Variants in RAC1 observed in about 807,000 individuals in gnomAD.
The protein encoded by RAC1 is ras-related C3 botulinum toxin substrate 1.
In RAC1, 2 loss-of-function variants were observed where a neutral mutation model predicts 25.2. That is an observed-to-expected ratio of 0.08 (90% CI 0.03 to 0.25). The LOEUF is 0.25. Ranked by LOEUF, RAC1 falls within the 10% of genes least tolerant of loss-of-function variation. The pLI is 1.00. For synonymous variants in RAC1, 88 were observed against 94.0 expected, an observed-to-expected ratio of 0.94 and a Z score of 0.37; for missense variants, 50 against 235.7, an observed-to-expected ratio of 0.21 and a Z score of 5.16.
chr7:6,393,716 G>T (rs1451135600), intron 3 of RAC1, among the ~76,000 whole-genome samples: 2 of 152,162 alleles, frequency 1.3e-5, no homozygotes, highest in African/African-American at 4.8e-5. Flanking sequence ...GTGGGACATG[G>T]TTCTTGCCCT....
rs58955862 is a variant in RAC1, at chr7:6,400,327, GTTTTT to G, written c.288+146_288+150del. Reference sequence around the variant, plus strand: ...ATTTGCTACTTAAGTACATGATTGGGTTTTTTTTTTTCTTTTGAGACGGAGGTCTC... The same window carrying G: ...ATTTGCTACTTAAGTACATGATTGGGTTTTTTCTTTTGAGACGGAGGTCTC... On this transcript the variant is annotated intron_variant, in intron 4 of 5. Coordinates refer to ENST00000348035, the MANE Select transcript of RAC1 (RefSeq NM_006908.5). 20 of 607,588 alleles carry G rather than the reference GTTTTT, an allele frequency of 3.3e-5. No individual in the cohort carries two copies. The African/African-American group carries it at 3.9e-4, about 12-fold the overall frequency. 37.6% of individuals were successfully genotyped at this position (607,588 alleles called of 1,614,324 possible).
chr7:6,383,841 T>C (rs994957429), intron 1 of RAC1, among the ~76,000 whole-genome samples: 1 of 139,722 alleles, frequency 7.2e-6, no homozygotes, highest in African/African-American at 2.8e-5. Context: ...TTGCTCTTGT[T>C]GCCCAGGCTG....
At chr7:6,376,753 C>G (rs2115180520) in intron 1 of RAC1, among the ~76,000 whole-genome samples, 1 of 146,736 alleles carries the variant, frequency 6.8e-6, no homozygotes, top group South Asian at 2.2e-4. Flanking sequence ...ACTCCTGACC[C>G]TCAAGTGATC....
At chr7:6,383,933 G>C (rs567443080) in intron 1 of RAC1, among the ~76,000 whole-genome samples, 1 of 151,306 alleles carries the variant, frequency 6.6e-6, no homozygotes, top group Admixed American at 6.6e-5. Context: ...CTCCCGAGTA[G>C]CTGGGATTAC....
intron 1 of RAC1, among the ~76,000 whole-genome samples, chr7:6,375,596 G>T (rs554556856): frequency 6.6e-6 from 1 of 152,028 alleles, no homozygotes; most frequent in African/African-American, 2.4e-5. Flanking sequence ...CGCCCTTTCC[G>T]TGGAGAAAGT....
intron 1 of RAC1, among the ~76,000 whole-genome samples, chr7:6,379,600 G>T (rs1054242467): frequency 6.6e-6 from 1 of 152,132 alleles, no homozygotes; most frequent in African/African-American, 2.4e-5. Flanking sequence ...AATAGAGACA[G>T]GGTTTCACCA....
intron 4 of RAC1, among the ~76,000 whole-genome samples, chr7:6,400,906 C>T (rs919830520): frequency 1.3e-5 from 2 of 151,980 alleles, no homozygotes; most frequent in African/African-American, 4.8e-5. Context: ...AACTCCCGAC[C>T]TCAGGTGATC....
Position 6,402,641 on chromosome 7 carries a change from C to T in RAC1, c.*195C>T, listed in dbSNP as rs368834331. The T allele has an allele frequency of 2.0e-6, 1 of 510,676 alleles. No individual in the cohort carries two copies. Among genetic ancestry groups the T allele is most frequent in the South Asian group, 4.3e-5 (1 of 23,132 alleles). 31.6% of individuals were successfully genotyped at this position (510,676 alleles called of 1,614,324 possible). A position where few individuals can be genotyped will look rare whatever the true frequency, so the allele number is the denominator to read the frequency against. On this transcript the variant is annotated 3_prime_UTR_variant, in exon 6 of 6. Coordinates refer to ENST00000348035, the MANE Select transcript of RAC1 (RefSeq NM_006908.5). ...CAGTAATTTTAAGGTTTTGTTTGTT[C>T]TAAATGTAAGAGTTCAGACTCACAT...
chr7:6,400,068 G>C (rs1404207500), intron 3 of RAC1, 58 bp from the exon 4 acceptor site: 16 of 1,465,502 alleles, frequency 1.1e-5, no homozygotes, highest in Non-Finnish European at 1.5e-5. Flanking sequence ...AGAAAGCAAA[G>C]TGCATGCTTC....
intron 1 of RAC1, among the ~76,000 whole-genome samples, chr7:6,378,660 C>A (rs184926078): frequency 6.6e-6 from 1 of 152,110 alleles, no homozygotes; most frequent in African/African-American, 2.4e-5. Context: ...AGGGTTGATA[C>A]TCTTTTATTC....
chr7:6,394,172 C>T (rs1202890850), intron 3 of RAC1, among the ~76,000 whole-genome samples: 1 of 152,114 alleles, frequency 6.6e-6, no homozygotes, highest in African/African-American at 2.4e-5. Context: ...AGAGATGTTA[C>T]ATTTCTTGTG....
At chr7:6,391,852 C>T in intron 2 of RAC1, 72 bp from the exon 3 acceptor site, 18 of 1,604,782 alleles carry the variant, frequency 1.1e-5, no homozygotes, top group South Asian at 2.2e-5. Flanking sequence ...CTTGGCACAC[C>T]TTCTCTAGGA....
At chr7:6,381,208 A>C (rs1192220837) in intron 1 of RAC1, among the ~76,000 whole-genome samples, 1 of 152,118 alleles carries the variant, frequency 6.6e-6, no homozygotes. Context: ...AGTTACATAT[A>C]AATTCTTATT....
At chr7:6,400,424 G>A (rs545663079) in intron 4 of RAC1, among the ~76,000 whole-genome samples, 8 of 151,906 alleles carry the variant, frequency 5.3e-5, no homozygotes, top group African/African-American at 1.7e-4. Context: ...TGAACTCCTG[G>A]GCTCAAACAG....
At chr7:6,401,412 G>GC (rs1251571808) in intron 4 of RAC1, among the ~76,000 whole-genome samples, 1 of 152,170 alleles carries the variant, frequency 6.6e-6, no homozygotes, top group East Asian at 1.9e-4. Flanking sequence ...GACAAGTGAG[G>GC]CCCTTCAGTA....
At chr7:6,400,883 C>T (rs1018301300) in intron 4 of RAC1, among the ~76,000 whole-genome samples, 5 of 152,168 alleles carry the variant, frequency 3.3e-5, no homozygotes, top group Non-Finnish European at 7.4e-5. Context: ...CCACGTCAGT[C>T]AGGCTGGTCT....
At chr7:6,376,857 A>G (rs1782620118) in intron 1 of RAC1, among the ~76,000 whole-genome samples, 1 of 150,502 alleles carries the variant, frequency 6.6e-6, no homozygotes, top group Non-Finnish European at 1.5e-5. Flanking sequence ...TAAGCATAGC[A>G]GATACGTTTA....
chr7:6,376,176 C>CTTTTTTTTTTTTT lies in RAC1; in HGVS notation c.35+1418_35+1430dup, dbSNP rs747387468. Among the ~76,000 whole-genome samples, 6 of 65,514 alleles carry CTTTTTTTTTTTTT rather than the reference C, an allele frequency of 9.2e-5. 2 individuals are homozygous for CTTTTTTTTTTTTT. The highest frequency in any genetic ancestry group is 7.2e-4 in the South Asian group (1 of 1,394). 43.0% of individuals were successfully genotyped at this position (65,514 alleles called of 152,430 possible). On this transcript the variant is annotated intron_variant, in intron 1 of 5. Coordinates refer to ENST00000348035, the MANE Select transcript of RAC1 (RefSeq NM_006908.5). ...TATTAGAGTATGTAGGCTATTCAGG[C>CTTTTTTTTTTTTT]TTTTTTTTTTTTTTTTTTTTTTTTG...
intron 1 of RAC1, among the ~76,000 whole-genome samples, chr7:6,381,594 T>G (rs1782766565): frequency 9.5e-6 from 1 of 104,932 alleles, no homozygotes; most frequent in Non-Finnish European, 2.5e-5. Context: ...GGGGTTTCAC[T>G]GTGCTGCCCA....
Sources: allele counts gnomAD v4.1 joint callset (sites outside exome capture counted in the v4.1 genomes callset), GRCh38; gene constraint gnomAD v4.1.1; transcripts MANE v1.5; gene names NCBI Gene and HGNC (gene_info 2026-07-23, HGNC 2026-07-21).